UBR3: variants seen among roughly 807,000 people sequenced by gnomAD.
UBR3 encodes the protein E3 ubiquitin-protein ligase UBR3.
A neutral mutation model predicts 243.2 loss-of-function variants in UBR3; 85 were observed. The ratio of observed to expected loss-of-function variants is 0.35; its 90% CI spans 0.29 to 0.42. The LOEUF (loss-of-function observed/expected upper bound fraction) is 0.42, where lower values mean the gene tolerates loss of function less well. UBR3 is among the 10% of genes least tolerant of loss of function. The pLI is 1.00. For missense variants in UBR3, 1,686 were observed against 2,300.8 expected, an observed-to-expected ratio of 0.73 and a Z score of 5.47; for synonymous variants, 748 against 799.8, an observed-to-expected ratio of 0.94 and a Z score of 1.09.
chr2:169,837,310 C>CT, intron 1 of UBR3, among the ~76,000 whole-genome samples: 1 of 152,292 alleles, frequency 6.6e-6, no homozygotes, highest in Middle Eastern at 3.4e-3. Flanking sequence ...AACCCCATCT[C>CT]TACTAAAAAT....
chr2:170,027,059 A>G (rs2090547966), intron 30 of UBR3, among the ~76,000 whole-genome samples: 1 of 151,904 alleles, frequency 6.6e-6, no homozygotes, highest in South Asian at 2.1e-4. Context: ...GGAATCTTGT[A>G]CTTTTATTTT....
intron 5 of UBR3, among the ~76,000 whole-genome samples, chr2:169,883,299 G>A (rs1217079472): frequency 2.0e-5 from 3 of 152,096 alleles, no homozygotes; most frequent in African/African-American, 2.4e-5. Context: ...TCAGTATGAC[G>A]ACATGTGGTT....
chr2:170,015,453 A>T, intron 30 of UBR3, 87 bp downstream of exon 30: 1 of 1,089,402 alleles, frequency 9.2e-7, no homozygotes, highest in South Asian at 1.4e-5. Flanking sequence ...GTATATTTCA[A>T]ATTTTGTCTG....
chr2:170,056,480 T>C (rs1322068549), intron 33 of UBR3, among the ~76,000 whole-genome samples: 1 of 152,166 alleles, frequency 6.6e-6, no homozygotes, highest in East Asian at 1.9e-4. Flanking sequence ...AATGAGATAC[T>C]ATAGAGTTAT....
At chr2:169,948,006 G>T in intron 22 of UBR3, 1 of 923,206 alleles carries the variant, frequency 1.1e-6, no homozygotes, top group Non-Finnish European at 1.3e-6. Context: ...AAACCGCTTT[G>T]AAGTATTTGT....
At chr2:169,896,114 C>T (rs1025830138) in intron 7 of UBR3, among the ~76,000 whole-genome samples, 2 of 151,910 alleles carry the variant, frequency 1.3e-5, no homozygotes, top group African/African-American at 4.8e-5. Flanking sequence ...CTGGCCAAAC[C>T]CCATCTCTAC....
intron 36 of UBR3, among the ~76,000 whole-genome samples, chr2:170,074,711 T>A (rs564164283): frequency 9.2e-5 from 14 of 152,330 alleles, no homozygotes; most frequent in Non-Finnish European, 1.6e-4. Flanking sequence ...CCATGAAGAT[T>A]TGTCTGATAG....
chr2:170,029,252 A>G lies in UBR3; in HGVS notation c.4454-94A>G, dbSNP rs2090608405. The G allele has an allele frequency of 3.1e-6, 3 of 975,804 alleles. No homozygotes were observed. The South Asian group carries it at 5.2e-5, about 17-fold the overall frequency. 60.4% of individuals were successfully genotyped at this position (975,804 alleles called of 1,614,324 possible). On this transcript the variant is annotated intron_variant, in intron 30 of 38. Transcript: ENST00000272793. ...AATTTTAATTGTCAGGATGGGAAAC[A>G]GATTTCCTTATGAAATAACTAGAAA...
At chr2:169,996,921 G>T (rs1304445995) in intron 26 of UBR3, among the ~76,000 whole-genome samples, 1 of 151,546 alleles carries the variant, frequency 6.6e-6, no homozygotes, top group Non-Finnish European at 1.5e-5. Context: ...GGATGGTCTC[G>T]ATCTCTTGAC....
chr2:169,986,913 T>C, intron 25 of UBR3, 119 bp downstream of exon 25: 1 of 1,016,698 alleles, frequency 9.8e-7, no homozygotes, highest in South Asian at 1.9e-5. Flanking sequence ...TAGGCAAGGG[T>C]CAGTTTAGAT....
At chr2:169,908,568 T>C (rs2085110695) in intron 10 of UBR3, among the ~76,000 whole-genome samples, 2 of 152,178 alleles carry the variant, frequency 1.3e-5, no homozygotes, top group African/African-American at 4.8e-5. Context: ...CTTGCTCTCA[T>C]AGGGGAGATA....
chr2:170,041,235 T>C (rs1419118385), intron 32 of UBR3, among the ~76,000 whole-genome samples: 1 of 152,196 alleles, frequency 6.6e-6, no homozygotes, highest in Non-Finnish European at 1.5e-5. Context: ...CTTTTTGTGG[T>C]AATAACAGAC....
chr2:169,958,382 A>G, intron 23 of UBR3, 56 bp from the exon 24 acceptor site: 1 of 1,486,000 alleles, frequency 6.7e-7, no homozygotes, highest in South Asian at 1.2e-5. Context: ...CCTGAAATAT[A>G]GTAGCTAGGT....
intron 35 of UBR3, among the ~76,000 whole-genome samples, chr2:170,064,604 ATTAT>A (rs2091517203): frequency 6.6e-6 from 1 of 151,958 alleles, no homozygotes; most frequent in Non-Finnish European, 1.5e-5. Context: ...CTATGTACAA[ATTAT>A]TTATGAAATA....
chr2:169,983,252 C>CTTTTTTTTTTTTTTTTTTTTTTTTTTTT (rs72194627), intron 24 of UBR3, among the ~76,000 whole-genome samples: 2 of 71,984 alleles, frequency 2.8e-5, no homozygotes, highest in African/African-American at 5.9e-5. Context: ...ATTCTCTCTC[C>CTTTTTTTTTTTTTTTTTTTTTTTTTTTT]TTTTTTTTTT....
intron 24 of UBR3, among the ~76,000 whole-genome samples, chr2:169,978,265 G>A (rs575700697): frequency 2.6e-5 from 4 of 152,252 alleles, no homozygotes; most frequent in African/African-American, 4.8e-5. Context: ...CAGTAGCAGC[G>A]CTGGGTTCCA....
chr2:169,969,891 A>T (rs182772839), intron 24 of UBR3, among the ~76,000 whole-genome samples: 19 of 144,510 alleles, frequency 1.3e-4, no homozygotes, highest in Non-Finnish European at 2.3e-4. Context: ...TTTGATTAAT[A>T]TAGCTTTGTA....
Position 169,986,672 on chromosome 2 carries a change from A to C in UBR3, c.3662A>C (p.Glu1221Ala). The change falls in exon 25 of 39, where the codon GAG (glutamate) becomes GCG (alanine). Residue 1221 changes from glutamate (E) to alanine (A), a missense_variant. Glu to Ala is a moderately radical substitution (Grantham distance 107). This residue lies in a region of UBR3 where 156 missense variants were observed against 246.3 expected (regional missense o/e 0.63). Coordinates refer to ENST00000272793, the MANE Select transcript of UBR3 (RefSeq NM_172070.4). The part of the protein sequence containing the change: ...VDSPENDIPM[E>A]ITTAEPQVSE... ...TCTCCTGAGAATGATATTCCTATGG[A>C]GATCACCACGGCAGAACCACAGGTT... 6.2e-7 allele frequency: 1 copy of C among 1,613,636 alleles called. No individual in the cohort carries two copies. The highest frequency in any genetic ancestry group is 8.5e-7 in the Non-Finnish European group (1 of 1,179,754).
chr2:169,882,924 G>A (rs1162174881), intron 5 of UBR3, among the ~76,000 whole-genome samples: 1 of 152,110 alleles, frequency 6.6e-6, no homozygotes, highest in Non-Finnish European at 1.5e-5. Context: ...ATTCACTCAG[G>A]CTAGTGAATG....
Sources: allele counts gnomAD v4.1 joint callset (sites outside exome capture counted in the v4.1 genomes callset), GRCh38; gene constraint gnomAD v4.1.1; regional missense constraint gnomAD v4.1.1; transcripts MANE v1.5; gene names NCBI Gene and HGNC (gene_info 2026-07-23, HGNC 2026-07-21).